Variants in NOVA2 observed in about 807,000 individuals in gnomAD.
NOVA2 encodes RNA-binding protein Nova-2.
Under a neutral mutation model 22.5 loss-of-function variants are expected in NOVA2, and 9 were observed. The ratio of observed to expected loss-of-function variants is 0.40; its 90% confidence interval spans 0.24 to 0.70. The LOEUF (loss-of-function observed/expected upper bound fraction) is 0.70, where lower values mean the gene tolerates loss of function less well. NOVA2 is among the 30% of genes least tolerant of loss of function. The pLI is 0.38. For missense variants in NOVA2, 383 were observed against 682.8 expected (o/e 0.56, Z 4.89); for synonymous variants, 318 against 335.2 (o/e 0.95, Z 0.56).
chr19:45,962,315 G>C (rs946430580), intron 1 of NOVA2: 1 of 152,732 alleles, frequency 6.5e-6, no homozygotes, highest in African/African-American at 2.4e-5. Flanking sequence ...GCTTGATCTC[G>C]TCCGTTCCTC....
chr19:45,937,536 C>A lies in NOVA2; in HGVS notation c.*2327G>T, dbSNP rs1967673295. On this transcript the variant is annotated 3_prime_UTR_variant, in exon 4 of 4. Coordinates refer to ENST00000263257, the MANE Select transcript of NOVA2 (RefSeq NM_002516.4). ...TGGAGGGGAGCAATGGCCCACAGAGCCGCCCCCACCTCTAACCCCAAGAGC... is the reference window on the plus strand; with the variant it reads ...TGGAGGGGAGCAATGGCCCACAGAGACGCCCCCACCTCTAACCCCAAGAGC... 6.6e-6 allele frequency: 1 copy of A among 152,184 alleles called. No homozygotes were observed. The highest frequency in any genetic ancestry group is 1.9e-4 in the East Asian group (1 of 5,178). The allele number at this position is 152,184 out of a possible 1,614,324, so 9.4% of individuals were successfully genotyped here. A position where few individuals can be genotyped will look rare whatever the true frequency, so the allele number is the denominator to read the frequency against.
At chr19:45,969,341 C>T (rs925275795) in intron 1 of NOVA2, among the ~76,000 whole-genome samples, 3 of 151,306 alleles carry the variant, frequency 2.0e-5, no homozygotes, top group Non-Finnish European at 2.9e-5. Context: ...CCTGTCTCTA[C>T]AAAAAAATTC....
intron 3 of NOVA2, 21 bp downstream of exon 3, chr19:45,953,759 C>T: frequency 6.2e-7 from 1 of 1,613,884 alleles, no homozygotes. Flanking sequence ...TTACAGCAAC[C>T]CAGTCTCTGC....
rs1403931502 is a variant in NOVA2 at position 45,968,579 on chromosome 19, C to T, written c.85+4688G>A. ...TGGTGAAAAGGGAAAATGACATACA[C>T]TTATATAATAATAATGATGATGATG... On this transcript the variant is annotated intron_variant, in intron 1 of 3. Transcript: ENST00000263257. Among the ~76,000 whole-genome samples the T allele has an allele frequency of 2.6e-5, 4 of 151,986 alleles. No homozygotes were observed. The East Asian group carries it at 5.8e-4, about 22-fold the overall frequency.
chr19:45,957,198 C>G (rs1968017351), intron 2 of NOVA2, among the ~76,000 whole-genome samples: 1 of 151,940 alleles, frequency 6.6e-6, no homozygotes, highest in Non-Finnish European at 1.5e-5. Flanking sequence ...AGGGCTTGAG[C>G]TCAGGAGTTC....
At chr19:45,970,458 C>T (rs961304073) in intron 1 of NOVA2, among the ~76,000 whole-genome samples, 5 of 151,588 alleles carry the variant, frequency 3.3e-5, no homozygotes, top group African/African-American at 1.2e-4. Context: ...TCACTAAAAC[C>T]TCCACCTCCT....
chr19:45,970,531 A>G (rs1968220141), intron 1 of NOVA2, among the ~76,000 whole-genome samples: 1 of 151,654 alleles, frequency 6.6e-6, no homozygotes. Flanking sequence ...GCCCACCACC[A>G]TGCCCCGATA....
At chr19:45,964,591 T>G (rs144303274) in intron 1 of NOVA2, among the ~76,000 whole-genome samples, 1 of 28,630 alleles carries the variant, frequency 3.5e-5, no homozygotes. Context: ...CTCTTTCTCT[T>G]TCTCTGTTGC....
chr19:45,957,483 G>A (rs1039525216), intron 2 of NOVA2, among the ~76,000 whole-genome samples: 3 of 147,300 alleles, frequency 2.0e-5, no homozygotes, highest in Non-Finnish European at 4.5e-5. Context: ...AGGTTGCAGT[G>A]AGCCGAGATC....
At chr19:45,940,988 T>TA (rs1568660959) in intron 3 of NOVA2, 43 bp from the exon 4 acceptor site, 1 of 1,505,292 alleles carries the variant, frequency 6.6e-7, no homozygotes, top group East Asian at 2.5e-5. Context: ...TTTATTTTTT[T>TA]AAAAAATTAA....
At chr19:45,944,643 G>A (rs142457659) in intron 3 of NOVA2, among the ~76,000 whole-genome samples, 153 of 152,302 alleles carry the variant, frequency 1.0e-3, no homozygotes, top group African/African-American at 3.5e-3. Context: ...ATGCTATAGC[G>A]TGGATGAATC....
At chr19:45,943,420 C>G (rs577635333) in intron 3 of NOVA2, among the ~76,000 whole-genome samples, 1 of 151,446 alleles carries the variant, frequency 6.6e-6, no homozygotes, top group South Asian at 2.1e-4. Context: ...GTTTTTAAAT[C>G]TCTGAGCCCA....
chr19:45,946,179 G>A (rs572715541), intron 3 of NOVA2, among the ~76,000 whole-genome samples: 5 of 152,244 alleles, frequency 3.3e-5, no homozygotes, highest in African/African-American at 1.2e-4. Flanking sequence ...GTGCATGCCT[G>A]TAGTCCCAGC....
At position 45,939,603 on chromosome 19, in the gene NOVA2, G is replaced by T; in HGVS notation, c.*260C>A. ...CAGACCTGGGCCCTGGGACAGGAAGGGTCAGGCCCAGCCAAGCACAGGGAG... is the reference window on the plus strand; with the variant it reads ...CAGACCTGGGCCCTGGGACAGGAAGTGTCAGGCCCAGCCAAGCACAGGGAG... On this transcript the variant is annotated 3_prime_UTR_variant, in exon 4 of 4. Transcript: ENST00000263257. 1 of 539,730 alleles carries T rather than the reference G, an allele frequency of 1.9e-6. No individual in the cohort carries two copies. Among genetic ancestry groups the T allele is most frequent in the Middle Eastern group, 4.9e-4 (1 of 2,056 alleles). 33.4% of individuals were successfully genotyped at this position (539,730 alleles called of 1,614,324 possible). A position where few individuals can be genotyped will look rare whatever the true frequency, so the allele number is the denominator to read the frequency against.
chr19:45,949,804 G>A (rs568908465), intron 3 of NOVA2, among the ~76,000 whole-genome samples: 2 of 149,528 alleles, frequency 1.3e-5, no homozygotes, highest in Non-Finnish European at 3.0e-5. Context: ...GCAGTGGTGC[G>A]ATCTTGCCTC....
At chr19:45,973,131 C>A in intron 1 of NOVA2, 136 bp downstream of exon 1, 1 of 293,332 alleles carries the variant, frequency 3.4e-6, no homozygotes, top group Non-Finnish European at 6.3e-6. Flanking sequence ...CAACTCCCCG[C>A]TCTGTCCCCC....
At chr19:45,972,887 C>CTCCTATA (rs1344613338) in intron 1 of NOVA2, among the ~76,000 whole-genome samples, 1 of 152,114 alleles carries the variant, frequency 6.6e-6, no homozygotes, top group African/African-American at 2.4e-5. Context: ...CAGGCCTCTA[C>CTCCTATA]TCCTTCCCCT....
intron 2 of NOVA2, among the ~76,000 whole-genome samples, chr19:45,957,337 G>A (rs1371024336): frequency 5.3e-5 from 8 of 152,096 alleles, no homozygotes; most frequent in Non-Finnish European, 1.0e-4. Context: ...TCTGGAGTCC[G>A]AGACCAGCCT....
chr19:45,961,113 G>A lies in NOVA2; in HGVS notation c.126C>T (p.Tyr42=), dbSNP rs373092727. The change falls in exon 2 of 4, where the codon TAC becomes TAT. Residue 42 remains tyrosine (Y), a synonymous_variant. Transcript: ENST00000263257. ...CCTTGCCAATGATGGAGCCCGCCGCGTAGCTGGGGATCAGCACCTTCAGGA... is the reference window on the plus strand; with the variant it reads ...CCTTGCCAATGATGGAGCCCGCCGCATAGCTGGGGATCAGCACCTTCAGGA... ...EYFLKVLIPS[Y]AAGSIIGKGG... The A allele has an allele frequency of 7.3e-5, 117 of 1,597,854 alleles. No homozygotes were observed. The highest frequency in any genetic ancestry group is 9.4e-5 in the Non-Finnish European group (110 of 1,172,412).
Sources: allele counts gnomAD v4.1 joint callset (sites outside exome capture counted in the v4.1 genomes callset), GRCh38; gene constraint gnomAD v4.1.1; transcripts MANE v1.5; gene names NCBI Gene and HGNC (gene_info 2026-07-23, HGNC 2026-07-21).